The following ZFP1 variants were observed in gnomAD, a reference collection of about 807,000 sequenced individuals.
ZFP1 encodes zinc finger protein 1 homolog.
A neutral mutation model predicts 38.5 loss-of-function variants in ZFP1; 32 were observed. The ratio of observed to expected loss-of-function variants is 0.83; its 90% confidence interval spans 0.63 to 1.12. The LOEUF is 1.12. ZFP1 is among the 50% of genes most tolerant of loss of function. The pLI is 0.00. For missense variants in ZFP1, 616 were observed against 480.8 expected, an observed-to-expected ratio of 1.28 and a Z score of -2.63; for synonymous variants, 245 against 168.8, an observed-to-expected ratio of 1.45 and a Z score of -3.50.
intron 3 of ZFP1, among the ~76,000 whole-genome samples, chr16:75,168,458 A>C (rs1412747773): frequency 6.6e-6 from 1 of 152,176 alleles, no homozygotes; most frequent in Non-Finnish European, 1.5e-5. Context: ...CAGCCTGGGC[A>C]AATGAGGGAG....
chr16:75,126,538 G>C, the ZFP1 span, among the ~76,000 whole-genome samples: 1 of 152,140 alleles, frequency 6.6e-6, no homozygotes, highest in Non-Finnish European at 1.5e-5. Context: ...TGGGTGGCTA[G>C]GATTACAGGC....
the ZFP1 span, among the ~76,000 whole-genome samples, chr16:75,127,365 C>T: frequency 4.0e-5 from 6 of 151,884 alleles, no homozygotes; most frequent in East Asian, 1.9e-4. Context: ...TTCTTAACTC[C>T]GGCCTGGGCG....
rs770858664 is a variant in ZFP1, at chr16:75,169,662, C to T, written c.552C>T (p.Phe184=). 1 of 1,606,746 alleles carries T rather than the reference C, an allele frequency of 6.2e-7. No homozygotes were observed. The highest frequency in any genetic ancestry group is 1.1e-5 in the South Asian group (1 of 89,868). Residue 184 remains phenylalanine (F), a synonymous_variant, in exon 4 of 4, where the codon TTC becomes TTT. Coordinates refer to ENST00000570010, the MANE Select transcript of ZFP1 (RefSeq NM_153688.4). ...AAATAAAAAACTTGGTTCAACCTTT[C>T]ATTTGTACTTACTGTGACAAGGCTT... The part of the protein sequence containing the change: ...HQKIKNLVQP[F]ICTYCDKAFS...
Position 75,153,081 on chromosome 16 carries a change from ATAAC to A in ZFP1, c.15+119_15+122del, listed in dbSNP as rs372530863. On this transcript the variant is annotated intron_variant, in intron 2 of 3. Transcript: ENST00000570010. ...AAGACACAAAGGAAACATAGCAAGAATAACTAATCAATACCAGCAGCCAAAAAGC... is the reference window on the plus strand; with the variant it reads ...AAGACACAAAGGAAACATAGCAAGAATAATCAATACCAGCAGCCAAAAAGC... 5.8e-4 allele frequency: 798 copies of A among 1,376,218 alleles called. 5 individuals carry two copies. The African/African-American group carries it at 9.6e-3, about 17-fold the overall frequency. 85.3% of individuals were successfully genotyped at this position (1,376,218 alleles called of 1,614,324 possible).
chr16:75,131,041 C>T, the ZFP1 span, among the ~76,000 whole-genome samples: 2 of 152,164 alleles, frequency 1.3e-5, no homozygotes, highest in African/African-American at 4.8e-5. Flanking sequence ...TCCTCATTGA[C>T]CTCCTAAGAT....
chr16:75,167,831 T>C (rs926537913), intron 3 of ZFP1, among the ~76,000 whole-genome samples: 6 of 152,266 alleles, frequency 3.9e-5, no homozygotes, highest in African/African-American at 7.2e-5. Context: ...GCGCCATGGC[T>C]CATGCTTATA....
In ZFP1 at chr16:75,152,935, G is replaced by T. The variant is rs773464790; in HGVS notation, c.-17G>T. The T allele has an allele frequency of 1.4e-5, 23 of 1,613,182 alleles. No homozygotes were observed. Among genetic ancestry groups the T allele is most frequent in the Non-Finnish European group, 1.9e-5 (22 of 1,179,670 alleles). On this transcript the variant is annotated 5_prime_UTR_variant, in exon 2 of 4. Coordinates refer to ENST00000570010, the MANE Select transcript of ZFP1 (RefSeq NM_153688.4). ...TCTGCCTTCATAGTTCTCTGCCTTT[G>T]CCCAAAACTGCAGAAAATGAACAAA... is the stretch of plus-strand genomic sequence containing the variant.
At chr16:75,128,948 G>A in the ZFP1 span, among the ~76,000 whole-genome samples, 1 of 152,140 alleles carries the variant, frequency 6.6e-6, no homozygotes, top group East Asian at 1.9e-4. Context: ...GCACCACCAC[G>A]CCTGGCTAAT....
At chr16:75,145,983 C>T (rs972223992), upstream of ZFP1, among the ~76,000 whole-genome samples, 4 of 152,156 alleles carry the variant, frequency 2.6e-5, no homozygotes, top group Non-Finnish European at 5.9e-5. Flanking sequence ...TACCATGGGG[C>T]CAGAGCCCAA....
chr16:75,123,455 G>GTATGTATA, the ZFP1 span, among the ~76,000 whole-genome samples: 56 of 87,230 alleles, frequency 6.4e-4, no homozygotes, highest in Admixed American at 8.4e-4. Flanking sequence ...GTGTGTATAT[G>GTATGTATA]TATATATATA....
At chr16:75,167,939 CAA>C (rs2038188103) in intron 3 of ZFP1, among the ~76,000 whole-genome samples, 1 of 152,054 alleles carries the variant, frequency 6.6e-6, no homozygotes, top group African/African-American at 2.4e-5. Flanking sequence ...ACTAAAAATA[CAA>C]AATAAGCCGG....
At chr16:75,165,530 G>C (rs1161199058) in intron 2 of ZFP1, among the ~76,000 whole-genome samples, 1 of 152,014 alleles carries the variant, frequency 6.6e-6, no homozygotes, top group African/African-American at 2.4e-5. Context: ...GAGTAGCTGG[G>C]ATTACAGGCG....
At chr16:75,166,456 C>A (rs1272869425) in intron 2 of ZFP1, 8 of 742,586 alleles carry the variant, frequency 1.1e-5, no homozygotes, top group Non-Finnish European at 8.2e-6. Flanking sequence ...GAACTCCCGA[C>A]CTCAAGTGAT....
chr16:75,123,835 T>C, the ZFP1 span, among the ~76,000 whole-genome samples: 1 of 149,420 alleles, frequency 6.7e-6, no homozygotes. Flanking sequence ...CTCACACCTG[T>C]AATCCCAGCA....
At chr16:75,153,038 A>C (rs368271792) in intron 2 of ZFP1, 72 bp downstream of exon 2, 2 of 1,580,960 alleles carry the variant, frequency 1.3e-6, no homozygotes, top group East Asian at 4.5e-5. Context: ...CCAGAAAATG[A>C]AATAGAAAAG....
intron 2 of ZFP1, among the ~76,000 whole-genome samples, chr16:75,164,783 T>C (rs2037972281): frequency 6.7e-6 from 1 of 149,638 alleles, no homozygotes; most frequent in Non-Finnish European, 1.5e-5. Flanking sequence ...AATAAAAATA[T>C]GAAACTCAGA....
At chr16:75,163,256 C>G (rs182835230) in intron 2 of ZFP1, among the ~76,000 whole-genome samples, 5 of 151,818 alleles carry the variant, frequency 3.3e-5, no homozygotes, top group South Asian at 2.1e-4. Flanking sequence ...CTCTTACTGT[C>G]TCTATCATAT....
chr16:75,141,513 G>A, the ZFP1 span, among the ~76,000 whole-genome samples: 6 of 152,088 alleles, frequency 3.9e-5, no homozygotes, highest in South Asian at 1.2e-3. Context: ...CCCAAATTGG[G>A]TCATTCTTGT....
At chr16:75,141,395 C>T in the ZFP1 span, among the ~76,000 whole-genome samples, 8 of 151,448 alleles carry the variant, frequency 5.3e-5, no homozygotes, top group African/African-American at 1.9e-4. Context: ...TAAGCAGAGA[C>T]GGGATTTCAT....
Sources: allele counts gnomAD v4.1 joint callset (sites outside exome capture counted in the v4.1 genomes callset), GRCh38; gene constraint gnomAD v4.1.1; transcripts MANE v1.5; gene names NCBI Gene and HGNC (gene_info 2026-07-23, HGNC 2026-07-21).